MCF2L: variants seen among roughly 807,000 people sequenced by gnomAD.
MCF2L encodes guanine nucleotide exchange factor DBS.
A neutral mutation model predicts 153.4 loss-of-function variants in MCF2L; 97 were observed. The observed-to-expected ratio is 0.63, with a 90% CI of 0.54 to 0.75. The LOEUF (loss-of-function observed/expected upper bound fraction) is 0.75, where lower values mean the gene tolerates loss of function less well. MCF2L is among the 30% of genes least tolerant of loss of function. MCF2L has a pLI of 0.00. For synonymous variants in MCF2L, 659 were observed against 632.2 expected, an observed-to-expected ratio of 1.04 and a Z score of -0.64; for missense variants, 1,347 against 1,495.2, an observed-to-expected ratio of 0.90 and a Z score of 1.64.
intron 26 of MCF2L, chr13:113,090,946 C>T (rs547515210): frequency 5.6e-5 from 67 of 1,204,584 alleles, no homozygotes; most frequent in Admixed American, 9.7e-5. Flanking sequence ...TCCTTCACTG[C>T]GCGGCCCCTC....
chr13:113,050,889 G>A (rs1225482267), intron 4 of MCF2L, among the ~76,000 whole-genome samples: 1 of 152,016 alleles, frequency 6.6e-6, no homozygotes, highest in Non-Finnish European at 1.5e-5. Context: ...AGGGGGGCGA[G>A]GAGCTTCCCC....
intron 3 of MCF2L, among the ~76,000 whole-genome samples, chr13:113,033,349 G>GGCCCCCGTGGCGTGAGT (rs1337060230): frequency 7.4e-5 from 9 of 121,186 alleles, no homozygotes; most frequent in Admixed American, 2.5e-4. Context: ...TGACATTAGT[G>GGCCCCCGTGGCGTGAGT]GACCCCGTGG....
intron 2 of MCF2L, among the ~76,000 whole-genome samples, chr13:112,952,980 C>CG (rs1019408372): frequency 1.3e-5 from 2 of 152,160 alleles, no homozygotes; most frequent in African/African-American, 4.8e-5. Context: ...ACTGTTTACA[C>CG]GGGGGGCAGT....
intron 1 of MCF2L, among the ~76,000 whole-genome samples, chr13:112,995,077 C>T (rs972830692): frequency 2.6e-5 from 4 of 152,230 alleles, no homozygotes; most frequent in Non-Finnish European, 5.9e-5. Flanking sequence ...ACCTGCGTGG[C>T]ACTCACGTGT....
At chr13:113,094,792 C>A in intron 27 of MCF2L, 157 bp downstream of exon 27, 1 of 1,059,888 alleles carries the variant, frequency 9.4e-7, no homozygotes, top group Non-Finnish European at 1.4e-6. Context: ...ACGGGCAGTG[C>A]CAGCTCCTCC....
In MCF2L at chr13:113,074,389, CT is replaced by C; in HGVS notation, c.997-54del. 6.3e-7 allele frequency: 1 copy of C among 1,587,708 alleles called. No homozygotes were observed. On this transcript the variant is annotated intron_variant, in intron 9 of 29. Transcript: ENST00000535094. The surrounding 1 kb of genome is among the most constrained non-coding windows in gnomAD (Gnocchi z 4.2). ...CTGATCTGGAGCACTGGAGTGGGTT[CT>C]CTCTGTTCAGGTGAGGGAGACACCC...
Position 112,993,886 on chromosome 13 carries a change from T to C in MCF2L, c.80-20877T>C, listed in dbSNP as rs553936473. ...GGGTAGGATTTTCCCCTCCCTTAGATCGGAAGGCGAAGAAGGTGAGATCCA... is the reference window on the plus strand; with the variant it reads ...GGGTAGGATTTTCCCCTCCCTTAGACCGGAAGGCGAAGAAGGTGAGATCCA... On this transcript the variant is annotated intron_variant, in intron 1 of 29. Coordinates refer to ENST00000535094, the MANE Select transcript of MCF2L (RefSeq NM_001112732.3). The surrounding 1 kb of genome is among the most constrained non-coding windows in gnomAD (Gnocchi z 4.6). Among the ~76,000 whole-genome samples, 1 of 150,886 alleles carries C rather than the reference T, an allele frequency of 6.6e-6. No individual in the cohort carries two copies. Among genetic ancestry groups the C allele is most frequent in the Admixed American group, 6.6e-5 (1 of 15,070 alleles).
rs958725335 is a variant in MCF2L at position 112,960,282 on chromosome 13, C to T, written c.170-54481C>T. The stretch of plus-strand genomic sequence containing the variant: ...TCACCCGGTGAGAGAGCGGAGAGAC[C>T]GAGAGGGGGCCAAGCGCGCTCTCAC... On this transcript the variant is annotated intron_variant, in intron 2 of 29. Coordinates refer to the MCF2L transcript ENST00000375608. This position sits in a 1 kb window ranked among gnomAD's most constrained non-coding sequence, Gnocchi z 4.2. Among the ~76,000 whole-genome samples, 10 of 152,072 alleles carry T rather than the reference C, an allele frequency of 6.6e-5. No homozygotes were observed. The highest frequency in any genetic ancestry group is 2.4e-4 in the African/African-American group (10 of 41,408).
At position 113,087,183 on chromosome 13, in the gene MCF2L, A is replaced by G. The variant is rs554026001; in HGVS notation, c.2374-52A>G. On this transcript the variant is annotated intron_variant, in intron 21 of 29. Transcript: ENST00000535094. ...TGCTTTCACTCAGCGATGCGCGTCC[A>G]TGGCCCCAGGCCCATCCCGTCCTGA... The G allele has an allele frequency of 6.2e-5, 93 of 1,499,546 alleles. No homozygotes were observed. In the East Asian group the frequency reaches 1.8e-3, roughly 29 times the overall value. 92.9% of individuals were successfully genotyped at this position (1,499,546 alleles called of 1,614,324 possible).
rs2033736712 is a variant in MCF2L, at chr13:113,078,392, T to G, written c.1690T>G (p.Ser564Ala). 2 of 1,613,244 alleles carry G rather than the reference T, an allele frequency of 1.2e-6. No individual in the cohort carries two copies. The change falls in exon 14 of 30, where the codon TCC (serine) becomes GCC (alanine). Residue 564 changes from serine to alanine, a missense_variant. Coordinates refer to ENST00000535094, the MANE Select transcript of MCF2L (RefSeq NM_001112732.3). ...GIRRGSENSS[S>A]EGGALRRGPY... is the part of the protein sequence containing the mutation. Reference sequence around the variant, plus strand: ...TCGGCGAGGCTCTGAGAACTCCAGCTCCGAGGGCGGTGCGCTCCGGAGAGG... The same window carrying G: ...TCGGCGAGGCTCTGAGAACTCCAGCGCCGAGGGCGGTGCGCTCCGGAGAGG...
intron 4 of MCF2L, among the ~76,000 whole-genome samples, chr13:113,058,873 T>G (rs1051496542): frequency 6.8e-6 from 1 of 147,270 alleles, no homozygotes; most frequent in Non-Finnish European, 1.5e-5. Flanking sequence ...GTGTGGGCGC[T>G]GTGTATTTGG....
In MCF2L at chr13:113,097,171, G is replaced by T; in HGVS notation, c.*312G>T. On this transcript the variant is annotated 3_prime_UTR_variant, in exon 30 of 30. Transcript: ENST00000535094. ...CTTCTGCCTCTGGACGGTGCTTTCA[G>T]GGGACGCGCGGACCGTGGTGGAGCT... The T allele has an allele frequency of 3.6e-6, 1 of 278,482 alleles. No homozygotes were observed. Among genetic ancestry groups the T allele is most frequent in the East Asian group, 6.3e-5 (1 of 15,860 alleles). The allele number at this position is 278,482 out of a possible 1,614,324, so 17.3% of individuals were successfully genotyped here. A position where few individuals can be genotyped will look rare whatever the true frequency, so the allele number is the denominator to read the frequency against.
At chr13:112,982,796 G>A (rs1217175232) in intron 1 of MCF2L, among the ~76,000 whole-genome samples, 2 of 152,164 alleles carry the variant, frequency 1.3e-5, no homozygotes, top group South Asian at 2.1e-4. Flanking sequence ...TGGAAGTGAC[G>A]TCTGGGCTGG....
intron 2 of MCF2L, among the ~76,000 whole-genome samples, chr13:112,931,315 G>A (rs6577019): frequency 0.23 from 34,267 of 152,138 alleles, 4,015 homozygotes; most frequent in Non-Finnish European, 0.26. Context: ...CCACACAAAC[G>A]CCCCAGGCTC....
chr13:112,927,369 A>G (rs78267925), intron 2 of MCF2L, among the ~76,000 whole-genome samples: 7,546 of 152,244 alleles, frequency 0.05, 282 homozygotes, highest in South Asian at 0.16. Flanking sequence ...CGTAAAATAC[A>G]TGGTTTCTAG....
chr13:113,043,551 G>T (rs1400244589), intron 3 of MCF2L: 1 of 152,270 alleles, frequency 6.6e-6, no homozygotes, highest in African/African-American at 2.4e-5. Flanking sequence ...GTTACTGGAG[G>T]ATAACCTGTA....
chr13:113,020,766 G>A (rs1455812922), intron 2 of MCF2L, among the ~76,000 whole-genome samples: 1 of 152,048 alleles, frequency 6.6e-6, no homozygotes, highest in African/African-American at 2.4e-5. Context: ...GTCCATAACA[G>A]TGTATATGTG....
At chr13:112,971,134 T>C (rs2082025667) in intron 1 of MCF2L, among the ~76,000 whole-genome samples, 1 of 152,178 alleles carries the variant, frequency 6.6e-6, no homozygotes, top group African/African-American at 2.4e-5. Context: ...AGTTATTAGG[T>C]TGAAGGCTGT....
At chr13:113,029,983 G>T (rs1376265919) in intron 3 of MCF2L, among the ~76,000 whole-genome samples, 1 of 152,226 alleles carries the variant, frequency 6.6e-6, no homozygotes, top group African/African-American at 2.4e-5. Flanking sequence ...TAGAAAGAAT[G>T]TTGTATTCTA....
Sources: gnomAD v4.1 joint callset for allele counts (sites outside exome capture counted in the v4.1 genomes callset) on GRCh38, gnomAD v4.1.1 for gene constraint, Gnocchi (gnomAD v3.1) non-coding constraint, MANE v1.5 for transcripts, NCBI Gene and HGNC (gene_info 2026-07-23, HGNC 2026-07-21) for gene names.